Variants in GPR39 observed in about 807,000 individuals in gnomAD.
GPR39 encodes zinc sensing receptor.
GPR39 carries 23 observed loss-of-function variants against 18.4 expected under a neutral mutation model. That is an observed-to-expected ratio of 1.25 (90% CI 0.90 to 1.77). GPR39 has a LOEUF of 1.77. Ranked by LOEUF, GPR39 falls within the 40% of genes most tolerant of loss-of-function variation. The probability of loss-of-function intolerance (pLI) is 0.00; values close to 1 mark genes in which losing one functional copy is unlikely to be tolerated. For synonymous variants in GPR39, 280 were observed against 257.9 expected (o/e 1.09, Z -0.82); for missense variants, 647 against 602.4 (o/e 1.07, Z -0.78).
rs539154360 is a variant in GPR39 at position 132,458,158 on chromosome 2, A to T, written c.856+40260A>T. The stretch of plus-strand genomic sequence containing the variant: ...TGCACCCACTGTCCAACCAGTCCCA[A>T]TGAGATGAACCAGGTACCTCAGTTG... On this transcript the variant is annotated intron_variant, in intron 1 of 1. Coordinates refer to ENST00000329321, the MANE Select transcript of GPR39 (RefSeq NM_001508.3). Among the ~76,000 whole-genome samples the T allele has an allele frequency of 3.9e-5, 6 of 152,060 alleles. No individual in the cohort carries two copies. The East Asian group carries it at 1.2e-3, about 29-fold the overall frequency.
At chr2:132,622,557 C>G (rs980195963) in intron 1 of GPR39, among the ~76,000 whole-genome samples, 5 of 152,128 alleles carry the variant, frequency 3.3e-5, no homozygotes, top group Admixed American at 2.0e-4. Flanking sequence ...TCAGAAATTG[C>G]AGGTAAAGCC....
At chr2:132,534,039 A>G (rs1558830072) in intron 1 of GPR39, among the ~76,000 whole-genome samples, 1 of 152,216 alleles carries the variant, frequency 6.6e-6, no homozygotes, top group African/African-American at 2.4e-5. Context: ...AGAAACTATC[A>G]TCAGTGTGAA....
chr2:132,429,103 G>T (rs896651762), intron 1 of GPR39, among the ~76,000 whole-genome samples: 1 of 152,164 alleles, frequency 6.6e-6, no homozygotes, highest in Non-Finnish European at 1.5e-5. Flanking sequence ...CAAAGGGCTG[G>T]CCTTTATATT....
At chr2:132,566,825 C>A (rs557130987) in intron 1 of GPR39, among the ~76,000 whole-genome samples, 2 of 152,322 alleles carry the variant, frequency 1.3e-5, no homozygotes, top group East Asian at 3.9e-4. Flanking sequence ...CCTCAGCTTT[C>A]CCTCCAAGGC....
intron 1 of GPR39, among the ~76,000 whole-genome samples, chr2:132,443,168 C>CA (rs911938826): frequency 1.8e-4 from 28 of 152,144 alleles, no homozygotes; most frequent in African/African-American, 6.3e-4. Flanking sequence ...TTAGAATAAA[C>CA]ATTATATTAA....
intron 1 of GPR39, among the ~76,000 whole-genome samples, chr2:132,627,770 A>G (rs1168007382): frequency 1.3e-5 from 2 of 152,110 alleles, no homozygotes; most frequent in African/African-American, 2.4e-5. Context: ...GTGGGGGAGG[A>G]GAAAAAGATC....
At chr2:132,615,633 T>C (rs1214510106) in intron 1 of GPR39, among the ~76,000 whole-genome samples, 2 of 152,224 alleles carry the variant, frequency 1.3e-5, no homozygotes, top group Admixed American at 1.3e-4. Context: ...AGGTCACTAA[T>C]TGTAGCTGCA....
intron 1 of GPR39, among the ~76,000 whole-genome samples, chr2:132,559,681 T>G (rs1364966678): frequency 6.6e-6 from 1 of 151,952 alleles, no homozygotes; most frequent in Non-Finnish European, 1.5e-5. Context: ...ATGAGGCCAG[T>G]GTTCCAAGCA....
intron 1 of GPR39, among the ~76,000 whole-genome samples, chr2:132,579,094 T>C (rs919620732): frequency 1.3e-5 from 2 of 151,928 alleles, no homozygotes; most frequent in African/African-American, 4.8e-5. Context: ...AAACATATGC[T>C]TTCAGTACTA....
At position 132,458,458 on chromosome 2, in the gene GPR39, TTGTGTGTG is replaced by T. The variant is rs57137481; in HGVS notation, c.856+40590_856+40597del. On this transcript the variant is annotated intron_variant, in intron 1 of 1. Coordinates refer to ENST00000329321, the MANE Select transcript of GPR39 (RefSeq NM_001508.3). ...TCTCTCTCTCTCTCTCTCGGTGTGT[TTGTGTGTG>T]TGTGTGTGTGTGTGTGTGTGTGTGT... Among the ~76,000 whole-genome samples the T allele has an allele frequency of 5.8e-3, 770 of 132,176 alleles. 1 individual carries two copies. The highest frequency in any genetic ancestry group is 7.8e-3 in the African/African-American group (271 of 34,836). 86.7% of individuals were successfully genotyped at this position (132,176 alleles called of 152,430 possible).
chr2:132,554,301 G>C (rs573988107), intron 1 of GPR39, among the ~76,000 whole-genome samples: 1 of 152,292 alleles, frequency 6.6e-6, no homozygotes, highest in African/African-American at 2.4e-5. Flanking sequence ...TGATAGCAAA[G>C]GCTTTTCTGA....
intron 1 of GPR39, among the ~76,000 whole-genome samples, chr2:132,515,419 A>G (rs1271660821): frequency 6.6e-6 from 1 of 152,212 alleles, no homozygotes; most frequent in Admixed American, 6.5e-5. Flanking sequence ...ACATTCAATA[A>G]ATAAATATTT....
chr2:132,626,224 G>T (rs1681542906), intron 1 of GPR39, among the ~76,000 whole-genome samples: 1 of 152,142 alleles, frequency 6.6e-6, no homozygotes, highest in African/African-American at 2.4e-5. Context: ...TTCTCCAAAG[G>T]CATCTTCACA....
intron 1 of GPR39, among the ~76,000 whole-genome samples, chr2:132,438,092 T>C (rs1393478371): frequency 6.6e-6 from 1 of 152,226 alleles, no homozygotes; most frequent in Non-Finnish European, 1.5e-5. Context: ...GCAGCAATCC[T>C]GGAAGCCTTC....
At chr2:132,447,671 T>C (rs1440461562) in intron 1 of GPR39, among the ~76,000 whole-genome samples, 9 of 151,880 alleles carry the variant, frequency 5.9e-5, no homozygotes, top group Admixed American at 5.3e-4. Context: ...TCCAAAAATA[T>C]TTGTTTTTTA....
intron 1 of GPR39, among the ~76,000 whole-genome samples, chr2:132,575,347 T>C (rs2104818096): frequency 6.6e-6 from 1 of 152,366 alleles, no homozygotes; most frequent in Non-Finnish European, 1.5e-5. Context: ...TATTTTAAGA[T>C]AAAGGTAAAT....
chr2:132,645,484 C>A lies in GPR39; in HGVS notation c.1240C>A (p.Gln414Lys). Residue 414 changes from glutamine (Q) to lysine (K), a missense_variant, in exon 2 of 2, where the codon CAG (glutamine) becomes AAG (lysine). Physicochemically the swap from Gln to Lys is moderately conservative, Grantham distance 53 (BLOSUM62 1). Around this residue, in one of 3 missense-constraint regions of GPR39, gnomAD observed 581 missense variants for 506.8 expected, o/e 1.15. Transcript: ENST00000329321. ...RTEKIFLSTFQSEAEPQSKSQ... is the reference protein window; with the variant it reads ...RTEKIFLSTFKSEAEPQSKSQ... ...TGAGAAGATTTTCTTAAGCACTTTT[C>A]AGAGCGAGGCCGAGCCCCAGTCTAA... The A allele has an allele frequency of 6.2e-7, 1 of 1,613,988 alleles. No individual in the cohort carries two copies. Among genetic ancestry groups the A allele is most frequent in the Non-Finnish European group, 8.5e-7 (1 of 1,180,040 alleles).
intron 1 of GPR39, among the ~76,000 whole-genome samples, chr2:132,481,235 G>A (rs1010296123): frequency 3.3e-5 from 5 of 152,128 alleles, no homozygotes; most frequent in African/African-American, 1.2e-4. Context: ...AAATGTATTC[G>A]TGTCGGTGCT....
intron 1 of GPR39, among the ~76,000 whole-genome samples, chr2:132,600,077 C>T (rs562704650): frequency 1.2e-3 from 185 of 152,290 alleles, no homozygotes; most frequent in African/African-American, 3.7e-3. Flanking sequence ...ATCTTGGCTA[C>T]GCAGAAGCCC....
Sources: gnomAD v4.1 joint callset for allele counts (sites outside exome capture counted in the v4.1 genomes callset) on GRCh38, gnomAD v4.1.1 for gene constraint, gnomAD v4.1.1 regional missense constraint, MANE v1.5 for transcripts, NCBI Gene and HGNC (gene_info 2026-07-23, HGNC 2026-07-21) for gene names.